The following SLC1A2 variants were observed in gnomAD, a reference collection of about 807,000 sequenced individuals.
SLC1A2 encodes the protein solute carrier family 1 member 2, also known as excitatory amino acid transporter 2.
SLC1A2 carries 15 observed loss-of-function variants against 48.8 expected under a neutral mutation model. The observed-to-expected ratio is 0.31, with a 90% CI of 0.21 to 0.47. SLC1A2 has a LOEUF of 0.47. SLC1A2 is among the 20% of genes least tolerant of loss of function. The pLI is 0.99. For synonymous variants in SLC1A2, 279 were observed against 272.6 expected (o/e 1.02, Z -0.23); for missense variants, 502 against 730.5 (o/e 0.69, Z 3.61).
chr11:35,307,760 G>A (rs1033245929), intron 4 of SLC1A2, among the ~76,000 whole-genome samples: 8 of 152,212 alleles, frequency 5.3e-5, no homozygotes, highest in African/African-American at 1.9e-4. Flanking sequence ...CAATCCTACT[G>A]TGCTGGTTCC....
At chr11:35,352,566 C>G (rs1173689078) in intron 1 of SLC1A2, among the ~76,000 whole-genome samples, 2 of 152,198 alleles carry the variant, frequency 1.3e-5, no homozygotes, top group African/African-American at 4.8e-5. Context: ...TCCAATGCTG[C>G]CTCTTGAGAA....
In SLC1A2 at chr11:35,254,814, TA is replaced by T. The variant is rs1194138397; in HGVS notation, c.*6079del. On this transcript the variant is annotated 3_prime_UTR_variant, in exon 11 of 11. Coordinates refer to ENST00000278379, the MANE Select transcript of SLC1A2 (RefSeq NM_004171.4). ...ATTCTCAGCACAAAAGGGCCCTGTG[TA>T]AAAACCAGAAGGATTTTGTAAAATA... 1 of 455,882 alleles carries T rather than the reference TA, an allele frequency of 2.2e-6. No homozygotes were observed. Among genetic ancestry groups the T allele is most frequent in the African/African-American group, 2.0e-5 (1 of 50,020 alleles). 28.2% of individuals were successfully genotyped at this position (455,882 alleles called of 1,614,324 possible). A position where few individuals can be genotyped will look rare whatever the true frequency, so the allele number is the denominator to read the frequency against.
At chr11:35,403,434 A>G (rs1855191519) in intron 1 of SLC1A2, among the ~76,000 whole-genome samples, 2 of 152,362 alleles carry the variant, frequency 1.3e-5, no homozygotes, top group Admixed American at 1.3e-4. Context: ...GTCATCTGTC[A>G]TCTTTACCAT....
At chr11:35,330,944 T>C (rs1017742740) in intron 1 of SLC1A2, among the ~76,000 whole-genome samples, 2 of 152,212 alleles carry the variant, frequency 1.3e-5, no homozygotes, top group Non-Finnish European at 2.9e-5. Context: ...GCCTCTTGAT[T>C]TGTGATCATT....
intron 1 of SLC1A2, among the ~76,000 whole-genome samples, chr11:35,337,964 TA>T (rs1852693637): frequency 6.6e-6 from 1 of 152,212 alleles, no homozygotes; most frequent in Non-Finnish European, 1.5e-5. Flanking sequence ...TAGTATAGCA[TA>T]AATAATAACA....
chr11:35,284,293 A>C (rs1176588296), intron 8 of SLC1A2, among the ~76,000 whole-genome samples: 1 of 151,966 alleles, frequency 6.6e-6, no homozygotes, highest in Non-Finnish European at 1.5e-5. Context: ...TGTAAAATAT[A>C]GAACCCAATA....
chr11:35,291,818 G>A (rs1340828696), intron 7 of SLC1A2: 2 of 158,622 alleles, frequency 1.3e-5, no homozygotes, highest in East Asian at 1.9e-4. Flanking sequence ...GTTAGAAAAA[G>A]TCTCACCTAA....
chr11:35,367,817 T>C (rs896256199), intron 1 of SLC1A2, among the ~76,000 whole-genome samples: 6 of 152,244 alleles, frequency 3.9e-5, no homozygotes, highest in African/African-American at 1.2e-4. Flanking sequence ...ACTGATTCTT[T>C]GTACTCCAGT....
intron 1 of SLC1A2, among the ~76,000 whole-genome samples, chr11:35,417,958 T>C (rs1855662170): frequency 1.3e-5 from 2 of 152,206 alleles, no homozygotes; most frequent in East Asian, 3.8e-4. Flanking sequence ...AAGCCCCTGA[T>C]ATTTGCTTTT....
At chr11:35,262,086 A>G (rs1188916749) in intron 10 of SLC1A2, among the ~76,000 whole-genome samples, 1 of 152,210 alleles carries the variant, frequency 6.6e-6, no homozygotes, top group Non-Finnish European at 1.5e-5. Context: ...ACAAGACATA[A>G]CAATGCTTGA....
rs566422748 is a variant in SLC1A2, at chr11:35,317,197, G to A, written c.157+180C>T. 7.8e-5 allele frequency: 45 copies of A among 574,788 alleles called. No individual in the cohort carries two copies. In the South Asian group the frequency reaches 1.1e-3, roughly 13 times the overall value. 35.6% of individuals were successfully genotyped at this position (574,788 alleles called of 1,614,324 possible). ...GAACTACTAGAATCCAAAGGAGAAT[G>A]AATGGCTAGAGGAGGTAAGGAGGAA... On this transcript the variant is annotated intron_variant, in intron 2 of 10. Transcript: ENST00000278379.
At chr11:35,387,704 A>G (rs1854627831) in intron 1 of SLC1A2, among the ~76,000 whole-genome samples, 1 of 152,212 alleles carries the variant, frequency 6.6e-6, no homozygotes, top group African/African-American at 2.4e-5. Context: ...GTAGGGAAAC[A>G]ATATCTTAAA....
At chr11:35,394,801 A>G (rs1284606141) in intron 1 of SLC1A2, among the ~76,000 whole-genome samples, 3 of 152,232 alleles carry the variant, frequency 2.0e-5, no homozygotes, top group Non-Finnish European at 4.4e-5. Flanking sequence ...TGGGCACGAC[A>G]TGGCAGCTGA....
chr11:35,324,121 G>C (rs1451808609), intron 1 of SLC1A2, among the ~76,000 whole-genome samples: 6 of 152,156 alleles, frequency 3.9e-5, no homozygotes, highest in Non-Finnish European at 7.4e-5. Flanking sequence ...TTTCCATATT[G>C]CTTCCTAAGC....
chr11:35,275,080 C>T (rs1329725320), intron 9 of SLC1A2, among the ~76,000 whole-genome samples: 1 of 152,324 alleles, frequency 6.6e-6, no homozygotes, highest in African/African-American at 2.4e-5. Flanking sequence ...TCCAGCCCCA[C>T]CTCAGATATA....
chr11:35,324,929 T>C (rs75446199), intron 1 of SLC1A2, among the ~76,000 whole-genome samples: 1 of 152,208 alleles, frequency 6.6e-6, no homozygotes, highest in African/African-American at 2.4e-5. Context: ...GGGTGTTTGA[T>C]CATCTCAAAT....
intron 1 of SLC1A2, among the ~76,000 whole-genome samples, chr11:35,393,505 T>C (rs907178236): frequency 4.6e-5 from 7 of 152,280 alleles, no homozygotes; most frequent in African/African-American, 1.4e-4. Context: ...ATAGCACCCA[T>C]ATCCCCCAGT....
At chr11:35,277,748 T>TAA (rs759708002) in intron 9 of SLC1A2, among the ~76,000 whole-genome samples, 84 of 150,864 alleles carry the variant, frequency 5.6e-4, no homozygotes, top group Non-Finnish European at 1.0e-3. Flanking sequence ...CAGCAGAACT[T>TAA]AAATGGCTTC....
chr11:35,366,159 C>T (rs547885312), intron 1 of SLC1A2, among the ~76,000 whole-genome samples: 1 of 152,302 alleles, frequency 6.6e-6, no homozygotes, highest in East Asian at 1.9e-4. Context: ...TGTTTTGGTT[C>T]TCAAGTATTG....
Sources: allele counts gnomAD v4.1 joint callset (sites outside exome capture counted in the v4.1 genomes callset), GRCh38; gene constraint gnomAD v4.1.1; transcripts MANE v1.5; gene names NCBI Gene and HGNC (gene_info 2026-07-23, HGNC 2026-07-21).